Variants in RBFOX1 observed in about 807,000 individuals in gnomAD.
RBFOX1 encodes the protein RNA binding fox-1 homolog 1, also known as RNA binding protein fox-1 homolog 1.
RBFOX1 carries 8 observed loss-of-function variants against 57.7 expected under a neutral mutation model. That is an observed-to-expected ratio of 0.14 (90% CI 0.08 to 0.25). The LOEUF is 0.25. Ranked by LOEUF, RBFOX1 falls within the 10% of genes least tolerant of loss-of-function variation. The probability of loss-of-function intolerance (pLI) is 1.00; values close to 1 mark genes in which losing one functional copy is unlikely to be tolerated. For synonymous variants in RBFOX1, 326 were observed against 222.4 expected (o/e 1.47, Z -4.15); for missense variants, 611 against 548.5 (o/e 1.11, Z -1.14).
rs577243278 is a variant in RBFOX1, at chr16:6,449,703, T to G, written c.-64+132646T>G. On this transcript the variant is annotated intron_variant, in intron 2 of 15. Coordinates refer to ENST00000550418, the MANE Select transcript of RBFOX1 (RefSeq NM_018723.4). ...TAACGTTGCATTCTGGAGTGCTGTT[T>G]AAGAGTGTTTTTATTTTCTTTGAAT... Among the ~76,000 whole-genome samples the G allele has an allele frequency of 2.6e-5, 4 of 152,258 alleles. No homozygotes were observed. In the East Asian group the frequency reaches 5.8e-4, roughly 22 times the overall value.
intron 1 of RBFOX1, among the ~76,000 whole-genome samples, chr16:5,396,052 C>G (rs749140706): frequency 4.6e-5 from 7 of 152,184 alleles, no homozygotes; most frequent in African/African-American, 1.7e-4. Context: ...TAAGCCATGC[C>G]TAGACCTGTG....
chr16:7,460,849 GAT>G (rs1172196360), intron 4 of RBFOX1, among the ~76,000 whole-genome samples: 1 of 152,150 alleles, frequency 6.6e-6, no homozygotes. Flanking sequence ...TTTCTGATTT[GAT>G]ATGTCTTGGG....
intron 2 of RBFOX1, among the ~76,000 whole-genome samples, chr16:6,350,444 GAAAAAAAAAAAA>G (rs569363563): frequency 5.4e-5 from 4 of 74,616 alleles, no homozygotes; most frequent in Admixed American, 3.3e-4. Context: ...TCTGTCTCAA[GAAAAAAAAAAAA>G]AAAAAAAAAA....
At chr16:6,925,109 GTTTTTTTTTTTTTTTTTTTTTTTTT>G (rs57556084) in intron 3 of RBFOX1, among the ~76,000 whole-genome samples, 56 of 45,248 alleles carry the variant, frequency 1.2e-3, no homozygotes, top group Admixed American at 4.5e-3. Flanking sequence ...TAGGTTGTTG[GTTTTTTTTTTTTTTTTTTTTTTTTT>G]TTTTTTTTTT....
At chr16:7,635,905 G>A (rs752423145) in intron 11 of RBFOX1, among the ~76,000 whole-genome samples, 2 of 152,058 alleles carry the variant, frequency 1.3e-5, no homozygotes, top group Non-Finnish European at 2.9e-5. Flanking sequence ...CCACCTCCTG[G>A]GTTCACACCA....
intron 2 of RBFOX1, among the ~76,000 whole-genome samples, chr16:6,356,430 C>G (rs2087334595): frequency 6.6e-6 from 1 of 152,172 alleles, no homozygotes. Context: ...AGAGCGAGAA[C>G]TTGTCTTAAA....
In RBFOX1 at chr16:5,531,382, C is replaced by T. The variant is rs543766413; in HGVS notation, c.258+64128C>T. 3.5e-4 allele frequency among the ~76,000 whole-genome samples: 54 copies of T among 152,156 alleles called. 2 individuals carry two copies. The highest frequency in any genetic ancestry group is 2.7e-3 in the Admixed American group (41 of 15,276). ...GATTACCGTTTGTCCATGTTGTTACCGATCTTTAAAGTTTGGTTGTGGAAA... is the reference window on the plus strand; with the variant it reads ...GATTACCGTTTGTCCATGTTGTTACTGATCTTTAAAGTTTGGTTGTGGAAA... On this transcript the variant is annotated intron_variant, in intron 2 of 2. Transcript: ENST00000585867.
chr16:7,157,305 T>C (rs2077356604), intron 4 of RBFOX1, among the ~76,000 whole-genome samples: 1 of 152,136 alleles, frequency 6.6e-6, no homozygotes, highest in African/African-American at 2.4e-5. Flanking sequence ...CTAAATGAAT[T>C]CACAGGACAA....
intron 1 of RBFOX1, among the ~76,000 whole-genome samples, chr16:5,271,246 C>G (rs1234872632): frequency 6.6e-6 from 1 of 152,062 alleles, no homozygotes; most frequent in Non-Finnish European, 1.5e-5. Context: ...CTCAGCTACT[C>G]TGAAGGCTGA....
chr16:6,086,849 A>T (rs1013932127), intron 1 of RBFOX1, among the ~76,000 whole-genome samples: 5 of 152,178 alleles, frequency 3.3e-5, no homozygotes, highest in African/African-American at 1.2e-4. Flanking sequence ...TGTAACATGA[A>T]AGAGACAATG....
At chr16:7,208,338 C>T (rs559093151) in intron 4 of RBFOX1, among the ~76,000 whole-genome samples, 3 of 152,240 alleles carry the variant, frequency 2.0e-5, no homozygotes, top group East Asian at 1.9e-4. Flanking sequence ...GAGTAGCTAA[C>T]GCTGGGGAAT....
chr16:5,680,976 G>A (rs971294626), intron 3 of RBFOX1, among the ~76,000 whole-genome samples: 1 of 152,000 alleles, frequency 6.6e-6, no homozygotes, highest in Non-Finnish European at 1.5e-5. Flanking sequence ...ACCAACTTGA[G>A]ATGTTTTAAG....
intron 1 of RBFOX1, among the ~76,000 whole-genome samples, chr16:5,444,071 TTGAGC>T (rs1195647999): frequency 1.3e-5 from 2 of 152,090 alleles, no homozygotes; most frequent in African/African-American, 4.8e-5. Flanking sequence ...ATTGTTCTGT[TTGAGC>T]AGAGCATTAT....
chr16:6,000,204 A>G (rs1370031842), intron 4 of RBFOX1, among the ~76,000 whole-genome samples: 1 of 152,142 alleles, frequency 6.6e-6, no homozygotes, highest in Non-Finnish European at 1.5e-5. Context: ...CAGTACCTGG[A>G]CAAGATCCCA....
At chr16:5,347,547 T>C (rs916750720) in intron 1 of RBFOX1, among the ~76,000 whole-genome samples, 1 of 152,022 alleles carries the variant, frequency 6.6e-6, no homozygotes, top group African/African-American at 2.4e-5. Flanking sequence ...CACTATTCCA[T>C]CCACCTACCG....
In RBFOX1 at chr16:7,092,691, C is replaced by T. The variant is rs528215751; in HGVS notation, c.27+40593C>T. 1.1e-3 allele frequency among the ~76,000 whole-genome samples: 168 copies of T among 152,230 alleles called. 1 individual carries two copies. Among genetic ancestry groups the T allele is most frequent in the African/African-American group, 3.8e-3 (158 of 41,514 alleles). ...CTTGGGCACTGTCTATGGTACTGCGCCTTGGGGGACGCACAGTTAAGTTAA... is the reference window on the plus strand; with the variant it reads ...CTTGGGCACTGTCTATGGTACTGCGTCTTGGGGGACGCACAGTTAAGTTAA... On this transcript the variant is annotated intron_variant, in intron 4 of 15. Coordinates refer to ENST00000550418, the MANE Select transcript of RBFOX1 (RefSeq NM_018723.4).
intron 3 of RBFOX1, among the ~76,000 whole-genome samples, chr16:5,762,810 T>G (rs1039463485): frequency 2.0e-5 from 3 of 152,178 alleles, no homozygotes; most frequent in Non-Finnish European, 2.9e-5. Flanking sequence ...GGGAAGATAT[T>G]TCTGATTCCT....
In RBFOX1 at chr16:6,497,837, G is replaced by A. The variant is rs116060166; in HGVS notation, c.-63-156766G>A. Among the ~76,000 whole-genome samples, 1,277 of 152,134 alleles carry A rather than the reference G, an allele frequency of 8.4e-3. 18 individuals carry two copies. The highest frequency in any genetic ancestry group is 0.029 in the African/African-American group (1,193 of 41,520). Reference sequence around the variant, plus strand: ...CTCCCAAAGTGTAGGTATTACAGGCGTGAGTCACCACTCCCGGCCCTATTT... The same window carrying A: ...CTCCCAAAGTGTAGGTATTACAGGCATGAGTCACCACTCCCGGCCCTATTT... On this transcript the variant is annotated intron_variant, in intron 2 of 15. Coordinates refer to ENST00000550418, the MANE Select transcript of RBFOX1 (RefSeq NM_018723.4).
intron 3 of RBFOX1, among the ~76,000 whole-genome samples, chr16:5,822,388 A>G (rs1183126384): frequency 2.0e-5 from 3 of 152,172 alleles, no homozygotes; most frequent in Non-Finnish European, 1.5e-5. Flanking sequence ...TAAATAACTT[A>G]CTCATGTAAC....
Sources: gnomAD v4.1 joint callset for allele counts (sites outside exome capture counted in the v4.1 genomes callset) on GRCh38, gnomAD v4.1.1 for gene constraint, MANE v1.5 for transcripts, NCBI Gene and HGNC (gene_info 2026-07-23, HGNC 2026-07-21) for gene names.